Variants in HOXA5 observed in about 807,000 individuals in gnomAD.
HOXA5 encodes the protein homeobox protein Hox-A5.
HOXA5 carries 12 observed loss-of-function variants against 20.0 expected under a neutral mutation model. That is an observed-to-expected ratio of 0.60 (90% CI 0.38 to 0.97). HOXA5 has a LOEUF of 0.97. HOXA5 is among the 50% of genes least tolerant of loss of function. HOXA5 has a pLI of 0.00. For missense variants in HOXA5, 352 were observed against 380.3 expected, an observed-to-expected ratio of 0.93 and a Z score of 0.62; for synonymous variants, 159 against 157.7, an observed-to-expected ratio of 1.01 and a Z score of -0.06.
At position 27,143,512 on chromosome 7, in the gene HOXA5, C is replaced by T. The variant is rs751791224; in HGVS notation, c.96G>A (p.Glu32=). Residue 32 remains glutamate (E), a synonymous_variant, in exon 1 of 2, where the codon GAG becomes GAA. Coordinates refer to ENST00000222726, the MANE Select transcript of HOXA5 (RefSeq NM_019102.4). ...HNYGDHSSVS[E]QFRDSASMHS... is the part of the protein sequence containing the mutation. ...GCATGCTCGCCGAGTCCCTGAATTGCTCGCTCACGGAACTATGATCTCCAT... is the reference window on the plus strand; with the variant it reads ...GCATGCTCGCCGAGTCCCTGAATTGTTCGCTCACGGAACTATGATCTCCAT... The T allele has an allele frequency of 1.9e-6, 3 of 1,613,840 alleles. No homozygotes were observed. The South Asian group carries it at 3.3e-5, about 18-fold the overall frequency.
In HOXA5 at chr7:27,143,086, G is replaced by T; in HGVS notation, c.522C>A (p.Pro174=). ...GCTTGCGCATCCAGGGGTAGATCTG[G>T]GGTTGGGCGGGCGGCGCCGGGCTCG... ...SEPSPAPPAQ[P]QIYPWMRKLH... The change falls in exon 1 of 2, where the codon CCC becomes CCA. Residue 174 remains proline (P), a synonymous_variant. Coordinates refer to ENST00000222726, the MANE Select transcript of HOXA5 (RefSeq NM_019102.4). The T allele has an allele frequency of 6.4e-7, 1 of 1,556,978 alleles. No homozygotes were observed. Among genetic ancestry groups the T allele is most frequent in the Non-Finnish European group, 8.6e-7 (1 of 1,157,358 alleles).
At position 27,141,525 on chromosome 7, in the gene HOXA5, T is replaced by TG. The variant is rs1184209636; in HGVS notation, c.*309dup. The stretch of plus-strand genomic sequence containing the variant: ...CGAGATTGAAGGGGGACTTTTTGTG[T>TG]GTTTTTTTTTCTCTTTTCTTTTTTT... On this transcript the variant is annotated 3_prime_UTR_variant, in exon 2 of 2. Transcript: ENST00000222726. The TG allele has an allele frequency of 2.3e-5, 4 of 173,972 alleles. No individual in the cohort carries two copies. The South Asian group carries it at 2.6e-4, about 11-fold the overall frequency. The allele number at this position is 173,972 out of a possible 1,614,324, so 10.8% of individuals were successfully genotyped here. A position where few individuals can be genotyped will look rare whatever the true frequency, so the allele number is the denominator to read the frequency against.
chr7:27,142,939 G>A, intron 1 of HOXA5, 107 bp downstream of exon 1: 1 of 1,070,028 alleles, frequency 9.3e-7, no homozygotes, highest in East Asian at 2.7e-5. Context: ...CCGCAGGGCT[G>A]GGAGAAATGA....
rs754744687 is a variant in HOXA5, at chr7:27,141,812, C to G, written c.*23G>C. On this transcript the variant is annotated 3_prime_UTR_variant, in exon 2 of 2. Coordinates refer to ENST00000222726, the MANE Select transcript of HOXA5 (RefSeq NM_019102.4). ...CTACGCGGGATCCGCTAATACTGCT[C>G]AGTACTTTAAACGCTCAGATACTCA... 3 of 1,611,952 alleles carry G rather than the reference C, an allele frequency of 1.9e-6. No individual in the cohort carries two copies. The highest frequency in any genetic ancestry group is 2.5e-6 in the Non-Finnish European group (3 of 1,179,278).
chr7:27,141,407 A>G lies in HOXA5; in HGVS notation c.*428T>C. On this transcript the variant is annotated 3_prime_UTR_variant, in exon 2 of 2. Transcript: ENST00000222726. ...GAATATAGGTAGTTTGAATAAAAAT[A>G]TCTTTAACAGCTTGGAGCTATTGAG... 6.1e-6 allele frequency: 1 copy of G among 163,496 alleles called. No individual in the cohort carries two copies. The highest frequency in any genetic ancestry group is 1.3e-5 in the Non-Finnish European group (1 of 74,726). 10.1% of individuals were successfully genotyped at this position (163,496 alleles called of 1,614,324 possible).
At chr7:27,143,679 TATG>T (rs1311452465) in exon 1 of HOXA5, 1 of 1,507,174 alleles carries the variant, frequency 6.6e-7, no homozygotes, top group Non-Finnish European at 8.9e-7. Context: ...TTGCACAATT[TATG>T]ATGAATTATG....
rs770679132 is a variant in HOXA5, at chr7:27,143,348, C to T, written c.260G>A (p.Ser87Asn). The change falls in exon 1 of 2, where the codon AGC (serine) becomes AAC (asparagine). Residue 87 changes from serine to asparagine, a missense_variant. Physicochemically the swap from Ser to Asn is conservative, Grantham distance 46 (BLOSUM62 1). Transcript: ENST00000222726. Reference sequence around the variant, plus strand: ...AGAGTGCGTGGACGTGGCCGGCTGGCTGTACCTGGGCTCGGCGGGCGCCGC... The same window carrying T: ...AGAGTGCGTGGACGTGGCCGGCTGGTTGTACCTGGGCTCGGCGGGCGCCGC... Reference protein sequence around the residue: ...ASAAPAEPRYSQPATSTHSPQ... With the variant: ...ASAAPAEPRYNQPATSTHSPQ... 5.0e-6 allele frequency: 8 copies of T among 1,594,746 alleles called. No individual in the cohort carries two copies. The South Asian group carries it at 8.9e-5, about 18-fold the overall frequency.
Position 27,141,137 on chromosome 7 carries a change from A to AAAAAAAAT in HOXA5, c.*697_*698insATTTTTTT, listed in dbSNP as rs1782555934. The AAAAAAAAT allele has an allele frequency of 8.0e-6, 1 of 124,630 alleles. No individual in the cohort carries two copies. Among genetic ancestry groups the AAAAAAAAT allele is most frequent in the African/African-American group, 2.8e-5 (1 of 35,172 alleles). The allele number at this position is 124,630 out of a possible 1,614,324, so 7.7% of individuals were successfully genotyped here. On this transcript the variant is annotated 3_prime_UTR_variant, in exon 2 of 2. Coordinates refer to ENST00000222726, the MANE Select transcript of HOXA5 (RefSeq NM_019102.4). ...ACAAAAAAAAAAAAAAAAAAAAAAAAGCTGATCACAGTTTGCTTAAAACAG... is the reference window on the plus strand; with the variant it reads ...ACAAAAAAAAAAAAAAAAAAAAAAAAAAAAAAATGCTGATCACAGTTTGCTTAAAACAG...
intron 1 of HOXA5, chr7:27,142,710 T>G (rs62454414): frequency 0.13 from 40,660 of 320,600 alleles, 3,188 homozygotes; most frequent in East Asian, 0.21. Flanking sequence ...TCACGGCTGC[T>G]ACAGCCATCC....
chr7:27,142,134 G>A, intron 1 of HOXA5, 49 bp from the exon 2 acceptor site: 1 of 1,584,772 alleles, frequency 6.3e-7, no homozygotes, highest in Non-Finnish European at 8.6e-7. Flanking sequence ...GTCTTCCAAA[G>A]TCCGCCAGGG....
chr7:27,142,339 T>A (rs1403666425), intron 1 of HOXA5, among the ~76,000 whole-genome samples: 1 of 152,122 alleles, frequency 6.6e-6, no homozygotes, highest in Non-Finnish European at 1.5e-5. Context: ...CCCTGGCCCC[T>A]CTCCTGCCCC....
chr7:27,143,521 G>A lies in HOXA5; in HGVS notation c.87C>T (p.Ser29=), dbSNP rs1299785201. ...YQLHNYGDHS[S]VSEQFRDSAS... The stretch of plus-strand genomic sequence containing the variant: ...CCGAGTCCCTGAATTGCTCGCTCAC[G>A]GAACTATGATCTCCATAATTATGCA... The change falls in exon 1 of 2, where the codon TCC becomes TCT. Residue 29 remains serine, a synonymous_variant. Coordinates refer to ENST00000222726, the MANE Select transcript of HOXA5 (RefSeq NM_019102.4). The A allele has an allele frequency of 2.5e-6, 4 of 1,613,700 alleles. No homozygotes were observed. Among genetic ancestry groups the A allele is most frequent in the Non-Finnish European group, 3.4e-6 (4 of 1,179,916 alleles).
rs747709423 is a variant in HOXA5, at chr7:27,143,536, A to G, written c.72T>C (p.Tyr24=). 5 of 1,613,352 alleles carry G rather than the reference A, an allele frequency of 3.1e-6. No homozygotes were observed. The highest frequency in any genetic ancestry group is 2.2e-5 in the East Asian group (1 of 44,820). The part of the protein sequence containing the change: ...PNGPDYQLHN[Y]GDHSSVSEQF... ...GCTCGCTCACGGAACTATGATCTCC[A>G]TAATTATGCAACTGGTAGTCCGGGC... Residue 24 remains tyrosine (Y), a synonymous_variant, in exon 1 of 2, where the codon TAT becomes TAC. Coordinates refer to ENST00000222726, the MANE Select transcript of HOXA5 (RefSeq NM_019102.4).
In HOXA5 at chr7:27,143,326, G is replaced by T; in HGVS notation, c.282C>A (p.His94Gln). 6.3e-7 allele frequency: 1 copy of T among 1,596,102 alleles called. No homozygotes were observed. ...PRYSQPATST[H>Q]SPQPDPLPCS... ...AGGGCAGCGGATCGGGCTGAGGAGA[G>T]TGCGTGGACGTGGCCGGCTGGCTGT... Residue 94 changes from histidine to glutamine, a missense_variant, in exon 1 of 2, where the codon CAC (histidine) becomes CAA (glutamine). Around this residue, in one of 3 missense-constraint regions of HOXA5, gnomAD observed 319 missense variants for 336.5 expected, o/e 0.95. Coordinates refer to ENST00000222726, the MANE Select transcript of HOXA5 (RefSeq NM_019102.4).
Position 27,141,910 on chromosome 7 carries a change from C to T in HOXA5, c.738G>A (p.Arg246=), listed in dbSNP as rs745498766. ...TATTATCTTTTTTCCACTTCATTCT[C>T]CGGTTTTGGAACCAGATTTTAATTT... ...ERQIKIWFQN[R]RMKWKKDNKL... is the part of the protein sequence containing the mutation. The change falls in exon 2 of 2, where the codon CGG becomes CGA. Residue 246 remains arginine (R), a synonymous_variant. Coordinates refer to ENST00000222726, the MANE Select transcript of HOXA5 (RefSeq NM_019102.4). The T allele has an allele frequency of 1.3e-5, 21 of 1,614,110 alleles. No homozygotes were observed. The highest frequency in any genetic ancestry group is 1.6e-4 in the Middle Eastern group (1 of 6,084).
At position 27,143,306 on chromosome 7, in the gene HOXA5, A is replaced by C; in HGVS notation, c.302T>G (p.Leu101Arg). The part of the protein sequence containing the change: ...TSTHSPQPDP[L>R]PCSAVAPSPG... The stretch of plus-strand genomic sequence containing the variant: ...CGAGGGGGCCACGGCGGAGCAGGGC[A>C]GCGGATCGGGCTGAGGAGAGTGCGT... Residue 101 changes from leucine to arginine, a missense_variant, in exon 1 of 2, where the codon CTG becomes CGG. By Grantham distance (102) the Leu-to-Arg change is moderately radical. Coordinates refer to ENST00000222726, the MANE Select transcript of HOXA5 (RefSeq NM_019102.4). 1 of 1,600,780 alleles carries C rather than the reference A, an allele frequency of 6.2e-7. No individual in the cohort carries two copies. The highest frequency in any genetic ancestry group is 8.5e-7 in the Non-Finnish European group (1 of 1,176,514).
Position 27,143,296 on chromosome 7 carries a change from G to A in HOXA5, c.312C>T (p.Ser104=), listed in dbSNP as rs1481016847. 1.2e-6 allele frequency: 2 copies of A among 1,602,610 alleles called. No homozygotes were observed. Among genetic ancestry groups the A allele is most frequent in the Non-Finnish European group, 1.7e-6 (2 of 1,177,152 alleles). ...CGCTGCCGGGCGAGGGGGCCACGGC[G>A]GAGCAGGGCAGCGGATCGGGCTGAG... The part of the protein sequence containing the change: ...HSPQPDPLPC[S]AVAPSPGSDS... The change falls in exon 1 of 2, where the codon TCC becomes TCT. Residue 104 remains serine (S), a synonymous_variant. Coordinates refer to ENST00000222726, the MANE Select transcript of HOXA5 (RefSeq NM_019102.4).
chr7:27,143,417 A>G lies in HOXA5; in HGVS notation c.191T>C (p.Phe64Ser). The change falls in exon 1 of 2, where the codon TTT becomes TCT. Residue 64 changes from phenylalanine to serine, a missense_variant. By Grantham distance (155) the Phe-to-Ser change is radical. Around this residue, in one of 3 missense-constraint regions of HOXA5, gnomAD observed 319 missense variants for 336.5 expected, o/e 0.95. Transcript: ENST00000222726. ...LSVGRSGSGHFGSGERARSYA... is the reference protein window; with the variant it reads ...LSVGRSGSGHSGSGERARSYA... ...GCTGCGGGCGCGCTCTCCGGAGCCA[A>G]AGTGGCCGGAGCCCGAGCGGCCGAC... 6.2e-7 allele frequency: 1 copy of G among 1,612,036 alleles called. No individual in the cohort carries two copies. The highest frequency in any genetic ancestry group is 8.5e-7 in the Non-Finnish European group (1 of 1,179,568).
Position 27,143,615 on chromosome 7 carries a change from T to C in HOXA5, c.-8A>G, listed in dbSNP as rs1409414387. The C allele has an allele frequency of 6.3e-7, 1 of 1,586,830 alleles. No individual in the cohort carries two copies. Among genetic ancestry groups the C allele is most frequent in the African/African-American group, 1.4e-5 (1 of 73,448 alleles). The stretch of plus-strand genomic sequence containing the variant: ...TACAAAATAAGAGCTCATTTGTTTT[T>C]TGATATGTGTGCTTGATTTGTGGCT... On this transcript the variant is annotated 5_prime_UTR_variant, in exon 1 of 2. Transcript: ENST00000222726.
Sources: gnomAD v4.1 joint callset for allele counts (sites outside exome capture counted in the v4.1 genomes callset) on GRCh38, gnomAD v4.1.1 for gene constraint, gnomAD v4.1.1 regional missense constraint, MANE v1.5 for transcripts, NCBI Gene and HGNC (gene_info 2026-07-23, HGNC 2026-07-21) for gene names.